Variants in POU6F2 observed in about 807,000 individuals in gnomAD.
The protein encoded by POU6F2 is POU class 6 homeobox 2, also known as POU domain, class 6, transcription factor 2.
POU6F2 carries 31 observed loss-of-function variants against 71.3 expected under a neutral mutation model. The observed-to-expected ratio is 0.43, with a 90% CI of 0.33 to 0.59. The LOEUF is 0.59. POU6F2 is among the 20% of genes least tolerant of loss of function. The pLI is 0.04. For missense variants in POU6F2, 783 were observed against 856.8 expected (o/e 0.91, Z 1.07); for synonymous variants, 347 against 355.7 (o/e 0.98, Z 0.27).
intron 4 of POU6F2, among the ~76,000 whole-genome samples, chr7:39,252,193 C>T (rs756638108): frequency 1.3e-5 from 2 of 151,960 alleles, no homozygotes; most frequent in Non-Finnish European, 2.9e-5. Flanking sequence ...CCCTGCAGCT[C>T]CAGGAGGACC....
At chr7:39,380,876 G>T (rs1388875756) in intron 5 of POU6F2, among the ~76,000 whole-genome samples, 1 of 152,064 alleles carries the variant, frequency 6.6e-6, no homozygotes, top group Non-Finnish European at 1.5e-5. Context: ...TTCTACTCGT[G>T]CTCACCCACT....
chr7:39,093,405 A>G (rs1791392959), intron 2 of POU6F2, among the ~76,000 whole-genome samples: 1 of 152,140 alleles, frequency 6.6e-6, no homozygotes, highest in African/African-American at 2.4e-5. Context: ...AATAACCAAA[A>G]TAAAACCTGT....
At chr7:39,189,356 T>C (rs1232662230) in intron 2 of POU6F2, among the ~76,000 whole-genome samples, 4 of 139,448 alleles carry the variant, frequency 2.9e-5, no homozygotes, top group Non-Finnish European at 1.5e-5. Flanking sequence ...TAGTTTGTTT[T>C]TGTGGTATTT....
chr7:39,216,813 G>T (rs1251718716), intron 4 of POU6F2, among the ~76,000 whole-genome samples: 1 of 151,998 alleles, frequency 6.6e-6, no homozygotes, highest in African/African-American at 2.4e-5. Flanking sequence ...GGAGACTCAG[G>T]TTCCCCATTA....
chr7:39,175,707 G>C (rs1793312896), intron 2 of POU6F2, among the ~76,000 whole-genome samples: 1 of 152,148 alleles, frequency 6.6e-6, no homozygotes, highest in African/African-American at 2.4e-5. Flanking sequence ...GTGTGCCAGA[G>C]AAACCATGAA....
rs1365206873 is a variant in POU6F2 at position 39,460,942 on chromosome 7, C to T, written c.1658+227C>T. On this transcript the variant is annotated intron_variant, in intron 9 of 9. Transcript: ENST00000518318. The surrounding 1 kb of genome is among the most constrained non-coding windows in gnomAD (Gnocchi z 4.4). ...CTCCTGTCAACTCACAAAGAACTTC[C>T]AAGGCAGTCTCATTGGAAATACACT... Among the ~76,000 whole-genome samples the T allele has an allele frequency of 6.6e-6, 1 of 152,156 alleles. No homozygotes were observed. Among genetic ancestry groups the T allele is most frequent in the East Asian group, 1.9e-4 (1 of 5,184 alleles).
intron 7 of POU6F2, among the ~76,000 whole-genome samples, chr7:39,444,525 G>A (rs546428683): frequency 1.3e-5 from 2 of 152,312 alleles, no homozygotes; most frequent in South Asian, 2.1e-4. Flanking sequence ...CAGAGGTTGC[G>A]GTGACCCGAG....
chr7:39,192,738 C>A (rs896972269), intron 2 of POU6F2, among the ~76,000 whole-genome samples: 1 of 152,104 alleles, frequency 6.6e-6, no homozygotes, highest in Non-Finnish European at 1.5e-5. Flanking sequence ...CACATTCTCA[C>A]GCCTCCCCCT....
chr7:39,022,337 G>A (rs1237515181), intron 1 of POU6F2, among the ~76,000 whole-genome samples: 3 of 151,854 alleles, frequency 2.0e-5, no homozygotes, highest in African/African-American at 7.3e-5. Flanking sequence ...ATTTTCTTCA[G>A]TTTCCTATAT....
rs188651768 is a variant in POU6F2 at position 39,126,956 on chromosome 7, A to G, written c.277+40925A>G. Among the ~76,000 whole-genome samples, 44 of 152,352 alleles carry G rather than the reference A, an allele frequency of 2.9e-4. 1 individual carries two copies. The highest frequency in any genetic ancestry group is 2.5e-3 in the East Asian group (13 of 5,194). Reference sequence around the variant, plus strand: ...CACAGCCCAGTAGAAATTAAATGCAAGCCAAGTATGTAATTTTAAACTTTC... The same window carrying G: ...CACAGCCCAGTAGAAATTAAATGCAGGCCAAGTATGTAATTTTAAACTTTC... On this transcript the variant is annotated intron_variant, in intron 2 of 9. Transcript: ENST00000518318.
chr7:39,003,468 C>T (rs991996157), intron 1 of POU6F2, among the ~76,000 whole-genome samples: 1 of 151,264 alleles, frequency 6.6e-6, no homozygotes, highest in Admixed American at 6.6e-5. Flanking sequence ...GGGCTGGTCA[C>T]GGTGGCTCAT....
At chr7:39,429,110 A>C (rs1393709839) in intron 6 of POU6F2, among the ~76,000 whole-genome samples, 1 of 49,948 alleles carries the variant, frequency 2.0e-5, no homozygotes, top group African/African-American at 1.0e-4. Flanking sequence ...CTTAAAGCAT[A>C]ATAATAATAA....
intron 2 of POU6F2, among the ~76,000 whole-genome samples, chr7:39,109,500 T>TA (rs1301557088): frequency 1.3e-5 from 2 of 152,236 alleles, no homozygotes; most frequent in African/African-American, 4.8e-5. Context: ...TGATGAGTGG[T>TA]AGCATAATGT....
chr7:39,092,198 C>T lies in POU6F2; in HGVS notation c.277+6167C>T, dbSNP rs1047419419. On this transcript the variant is annotated intron_variant, in intron 2 of 9. Coordinates refer to ENST00000518318, the MANE Select transcript of POU6F2 (RefSeq NM_001370959.1). ...AGGGGGCAATCTGTATAAAGTTTCC[C>T]GCTGTCAGGTTAATAAATTTTTAAA... Among the ~76,000 whole-genome samples the T allele has an allele frequency of 3.3e-5, 5 of 152,114 alleles. No individual in the cohort carries two copies. The South Asian group carries it at 6.2e-4, about 19-fold the overall frequency.
intron 2 of POU6F2, among the ~76,000 whole-genome samples, chr7:39,149,191 A>C (rs1421408693): frequency 6.6e-6 from 1 of 152,174 alleles, no homozygotes; most frequent in Non-Finnish European, 1.5e-5. Context: ...TCGGTACCTC[A>C]GGCAAGTCAC....
intron 7 of POU6F2, among the ~76,000 whole-genome samples, 152 bp from the exon 8 acceptor site, chr7:39,451,381 T>C (rs972519678): frequency 7.2e-6 from 1 of 139,642 alleles, no homozygotes; most frequent in African/African-American, 2.7e-5. Flanking sequence ...AAAAAAAAAA[T>C]GACTGCCTGC....
intron 2 of POU6F2, among the ~76,000 whole-genome samples, chr7:39,165,855 A>C (rs1046916315): frequency 5.9e-5 from 9 of 152,364 alleles, no homozygotes; most frequent in Non-Finnish European, 8.8e-5. Context: ...TTAGGAACTG[A>C]CCAGCCACAC....
intron 1 of POU6F2, among the ~76,000 whole-genome samples, chr7:39,001,025 A>C (rs929108633): frequency 2.6e-5 from 4 of 152,234 alleles, no homozygotes; most frequent in African/African-American, 9.6e-5. Flanking sequence ...CCTTAAAGAT[A>C]AATTTAATGG....
At position 39,464,100 on chromosome 7, in the gene POU6F2, A is replaced by C; in HGVS notation, c.1659-82A>C. On this transcript the variant is annotated intron_variant, in intron 9 of 9. Coordinates refer to ENST00000518318, the MANE Select transcript of POU6F2 (RefSeq NM_001370959.1). This position sits in a 1 kb window ranked among gnomAD's most constrained non-coding sequence, Gnocchi z 4.1. ...TAACCTGCAGTAAATTCGCCCTGCC[A>C]GGCAGTCAGGCAGGCAGGCAGGAGG... The C allele has an allele frequency of 6.7e-7, 1 of 1,503,562 alleles. No individual in the cohort carries two copies. The highest frequency in any genetic ancestry group is 9.0e-7 in the Non-Finnish European group (1 of 1,108,876). 93.1% of individuals were successfully genotyped at this position (1,503,562 alleles called of 1,614,324 possible).
Sources: gnomAD v4.1 joint callset for allele counts (sites outside exome capture counted in the v4.1 genomes callset) on GRCh38, gnomAD v4.1.1 for gene constraint, Gnocchi (gnomAD v3.1) non-coding constraint, MANE v1.5 for transcripts, NCBI Gene and HGNC (gene_info 2026-07-23, HGNC 2026-07-21) for gene names.